The following RALYL variants were observed in gnomAD, a reference collection of about 807,000 sequenced individuals.
RALYL encodes RNA-binding Raly-like protein.
RALYL carries 29 observed loss-of-function variants against 35.1 expected under a neutral mutation model. The ratio of observed to expected loss-of-function variants is 0.83; its 90% CI spans 0.61 to 1.13. The LOEUF (loss-of-function observed/expected upper bound fraction) is 1.13. RALYL is among the 50% of genes most tolerant of loss of function. The probability of loss-of-function intolerance (pLI) is 0.00; values close to 1 mark genes in which losing one functional copy is unlikely to be tolerated. For missense variants in RALYL, 359 were observed against 360.4 expected, an observed-to-expected ratio of 1.00 and a Z score of 0.03; for synonymous variants, 120 against 127.6, an observed-to-expected ratio of 0.94 and a Z score of 0.40.
intron 2 of RALYL, among the ~76,000 whole-genome samples, chr8:84,598,464 C>T (rs1815124161): frequency 6.6e-6 from 1 of 152,098 alleles, no homozygotes; most frequent in African/African-American, 2.4e-5. Flanking sequence ...TCCTACATAC[C>T]ACATTATTTT....
intron 1 of RALYL, among the ~76,000 whole-genome samples, chr8:84,291,153 G>A (rs967171912): frequency 8.5e-5 from 13 of 152,086 alleles, no homozygotes; most frequent in Non-Finnish European, 1.5e-5. Flanking sequence ...TTCATAAAAG[G>A]TATAAAAAGA....
upstream of RALYL, chr8:84,182,880 G>GA (rs1290858879): frequency 1.3e-5 from 2 of 152,870 alleles, no homozygotes; most frequent in African/African-American, 4.8e-5. Context: ...CAAACAAAAT[G>GA]AATGAGTGAA....
chr8:84,880,404 C>T (rs893864264), intron 7 of RALYL, among the ~76,000 whole-genome samples: 1 of 151,984 alleles, frequency 6.6e-6, no homozygotes, highest in African/African-American at 2.4e-5. Flanking sequence ...AAATTGAATT[C>T]TTTCTCCTCA....
At chr8:84,646,320 C>A (rs1827489281) in intron 2 of RALYL, among the ~76,000 whole-genome samples, 1 of 150,940 alleles carries the variant, frequency 6.6e-6, no homozygotes, top group Non-Finnish European at 1.5e-5. Context: ...TTTTTTATTT[C>A]TTTCTTGGGT....
chr8:84,809,334 A>G (rs1304654336), intron 4 of RALYL, among the ~76,000 whole-genome samples: 1 of 152,172 alleles, frequency 6.6e-6, no homozygotes, highest in Admixed American at 6.5e-5. Flanking sequence ...TATGAAACTT[A>G]CTTGATCATG....
At chr8:84,769,862 A>C (rs117702502) in intron 2 of RALYL, among the ~76,000 whole-genome samples, 1 of 152,328 alleles carries the variant, frequency 6.6e-6, no homozygotes, top group East Asian at 1.9e-4. Flanking sequence ...CATACAGAAT[A>C]AAGTAAGTAA....
At chr8:84,532,273 A>G (rs756938902) in intron 2 of RALYL, among the ~76,000 whole-genome samples, 4 of 152,082 alleles carry the variant, frequency 2.6e-5, no homozygotes, top group Non-Finnish European at 4.4e-5. Context: ...TCAGGCAAAG[A>G]CATGACTTCC....
chr8:84,273,219 G>A (rs1183182173), intron 1 of RALYL, among the ~76,000 whole-genome samples: 2 of 152,190 alleles, frequency 1.3e-5, no homozygotes, highest in Admixed American at 6.5e-5. Context: ...CTAACTCAGG[G>A]CCTCTTACAA....
At chr8:84,338,674 T>C (rs1174496266) in intron 1 of RALYL, among the ~76,000 whole-genome samples, 1 of 152,048 alleles carries the variant, frequency 6.6e-6, no homozygotes, top group Non-Finnish European at 1.5e-5. Context: ...ACAGCCCTCT[T>C]TGGTCTTTTT....
At chr8:84,547,493 C>T (rs1217940136) in intron 2 of RALYL, among the ~76,000 whole-genome samples, 3 of 151,972 alleles carry the variant, frequency 2.0e-5, no homozygotes, top group Non-Finnish European at 4.4e-5. Context: ...GATTCTCCTA[C>T]CTCAGCCTCC....
intron 1 of RALYL, among the ~76,000 whole-genome samples, chr8:84,435,333 C>T (rs2047586455): frequency 6.6e-6 from 1 of 152,102 alleles, no homozygotes; most frequent in African/African-American, 2.4e-5. Flanking sequence ...CATAACATAA[C>T]ATTATCCCTC....
intron 1 of RALYL, among the ~76,000 whole-genome samples, chr8:84,261,634 G>A (rs1018616158): frequency 1.3e-5 from 2 of 152,022 alleles, no homozygotes; most frequent in Non-Finnish European, 2.9e-5. Context: ...TTTAACAAAT[G>A]TTCAGTTTTT....
At chr8:84,845,143 T>C (rs1189010231) in intron 4 of RALYL, among the ~76,000 whole-genome samples, 1 of 152,074 alleles carries the variant, frequency 6.6e-6, no homozygotes, top group Non-Finnish European at 1.5e-5. Context: ...AAATAAAAAA[T>C]TTAGTCACGT....
chr8:84,361,564 A>T (rs974044997), intron 1 of RALYL, among the ~76,000 whole-genome samples: 1 of 152,206 alleles, frequency 6.6e-6, no homozygotes, highest in Non-Finnish European at 1.5e-5. Context: ...GCCATAATTC[A>T]TCTGAAAAGC....
At chr8:84,263,956 A>G (rs1832793333) in intron 1 of RALYL, among the ~76,000 whole-genome samples, 2 of 152,018 alleles carry the variant, frequency 1.3e-5, no homozygotes, top group African/African-American at 4.8e-5. Context: ...ATTCTTTTTT[A>G]TGGTTGCATA....
chr8:84,449,152 A>C (rs904716050), intron 1 of RALYL, among the ~76,000 whole-genome samples: 2 of 151,588 alleles, frequency 1.3e-5, no homozygotes, highest in African/African-American at 2.4e-5. Context: ...TAAGTCCTTA[A>C]AAAACATAAG....
At chr8:84,291,183 G>A (rs185628502) in intron 1 of RALYL, among the ~76,000 whole-genome samples, 122 of 152,298 alleles carry the variant, frequency 8.0e-4, no homozygotes, top group Non-Finnish European at 1.4e-3. Context: ...AAAGAGGACG[G>A]TGAGACTAAA....
At position 84,669,346 on chromosome 8, in the gene RALYL, T is replaced by C. The variant is rs1832727960; in HGVS notation, c.257-105233T>C. Among the ~76,000 whole-genome samples the C allele has an allele frequency of 2.0e-5, 3 of 152,120 alleles. No individual in the cohort carries two copies. The East Asian group carries it at 5.8e-4, about 29-fold the overall frequency. ...CCATTTTGGAACACCCATGTGCTTC[T>C]GAGCATTTTTTTTTAATTTCAACTT... On this transcript the variant is annotated intron_variant, in intron 2 of 8. Transcript: ENST00000521268.
At chr8:84,539,891 T>C (rs1400602776) in intron 2 of RALYL, among the ~76,000 whole-genome samples, 2 of 135,748 alleles carry the variant, frequency 1.5e-5, no homozygotes, top group African/African-American at 5.4e-5. Flanking sequence ...TATATATGTG[T>C]GTGTGTGTGT....
Sources: allele counts gnomAD v4.1 joint callset (sites outside exome capture counted in the v4.1 genomes callset), GRCh38; gene constraint gnomAD v4.1.1; transcripts MANE v1.5; gene names NCBI Gene and HGNC (gene_info 2026-07-23, HGNC 2026-07-21).